SOX6: variants seen among roughly 807,000 people sequenced by gnomAD.
SOX6 encodes the protein transcription factor SOX-6.
SOX6 carries 11 observed loss-of-function variants against 97.8 expected under a neutral mutation model. The ratio of observed to expected loss-of-function variants is 0.11; its 90% confidence interval spans 0.07 to 0.19. SOX6 has a LOEUF of 0.19. Ranked by LOEUF, SOX6 falls within the 10% of genes least tolerant of loss-of-function variation. The pLI is 1.00. For missense variants in SOX6, 810 were observed against 1,039.5 expected, an observed-to-expected ratio of 0.78 and a Z score of 3.04; for synonymous variants, 360 against 371.4, an observed-to-expected ratio of 0.97 and a Z score of 0.35.
chr11:16,324,299 A>G (rs1480450733), intron 2 of SOX6, among the ~76,000 whole-genome samples: 3 of 152,182 alleles, frequency 2.0e-5, no homozygotes, highest in Non-Finnish European at 4.4e-5. Context: ...TTAAAACATA[A>G]GGAATTGATG....
intron 4 of SOX6, among the ~76,000 whole-genome samples, chr11:16,195,868 G>A (rs111669689): frequency 8.5e-5 from 13 of 152,290 alleles, no homozygotes; most frequent in African/African-American, 2.4e-4. Context: ...CTGCTGCCCC[G>A]GGTGCAGTGT....
At chr11:16,357,221 A>G (rs543651284), upstream of SOX6, among the ~76,000 whole-genome samples, 1 of 152,284 alleles carries the variant, frequency 6.6e-6, no homozygotes, top group East Asian at 1.9e-4. Flanking sequence ...CACACAGTGC[A>G]CTACTTTCTC....
intron 3 of SOX6, among the ~76,000 whole-genome samples, chr11:16,710,793 G>T (rs904413977): frequency 1.3e-5 from 2 of 152,094 alleles, no homozygotes; most frequent in African/African-American, 4.8e-5. Context: ...TGAGCTTCAG[G>T]TTTGACTATC....
intron 1 of SOX6, among the ~76,000 whole-genome samples, chr11:16,363,192 T>C (rs994405051): frequency 6.6e-6 from 1 of 152,140 alleles, no homozygotes. Flanking sequence ...GAAGGACAAT[T>C]TGAGCATTTA....
chr11:16,520,785 C>T (rs192805282), intron 4 of SOX6, among the ~76,000 whole-genome samples: 1 of 152,202 alleles, frequency 6.6e-6, no homozygotes, highest in Non-Finnish European at 1.5e-5. Flanking sequence ...TAATACTGTG[C>T]TTTTCCAATG....
In SOX6 at chr11:16,647,482, G is replaced by A. The variant is rs369742484; in HGVS notation, n.430-35222C>T. ...AATAAAAGGCAACTTCTGGAGAAGC[G>A]GGAAAGATGGCATATAGGAGACAGG... On this transcript the variant is annotated intron_variant and non_coding_transcript_variant, in intron 3 of 5. Transcript: ENST00000524520. 1.5e-4 allele frequency among the ~76,000 whole-genome samples: 23 copies of A among 152,250 alleles called. No homozygotes were observed. The South Asian group carries it at 3.9e-3, about 26-fold the overall frequency.
At chr11:16,047,189 T>A (rs999538174) in intron 11 of SOX6, among the ~76,000 whole-genome samples, 2 of 152,142 alleles carry the variant, frequency 1.3e-5, no homozygotes, top group African/African-American at 4.8e-5. Context: ...TGAGGCCACA[T>A]GTGTACTTTA....
At chr11:16,263,281 TCTC>T (rs1018960115) in intron 3 of SOX6, among the ~76,000 whole-genome samples, 4 of 151,860 alleles carry the variant, frequency 2.6e-5, no homozygotes, top group African/African-American at 4.8e-5. Flanking sequence ...ACCCTAGAGT[TCTC>T]CTAGATGTAA....
intron 4 of SOX6, among the ~76,000 whole-genome samples, chr11:16,608,527 A>G (rs762909966): frequency 6.6e-6 from 1 of 152,160 alleles, no homozygotes; most frequent in Admixed American, 6.5e-5. Context: ...GAGATGATGA[A>G]AACACACCAC....
At chr11:16,080,258 TAAA>T (rs11354992) in intron 9 of SOX6, among the ~76,000 whole-genome samples, 15 of 106,152 alleles carry the variant, frequency 1.4e-4, no homozygotes, top group Admixed American at 5.5e-4. Flanking sequence ...TTAAGAAAAC[TAAA>T]AAAAAAAAAA....
At chr11:16,706,188 C>T (rs2134044404) in intron 3 of SOX6, among the ~76,000 whole-genome samples, 1 of 151,290 alleles carries the variant, frequency 6.6e-6, no homozygotes, top group East Asian at 2.0e-4. Flanking sequence ...ACCTGTAATC[C>T]CAGCACTTTG....
At chr11:16,172,910 C>A (rs1432474617) in intron 6 of SOX6, among the ~76,000 whole-genome samples, 1 of 151,880 alleles carries the variant, frequency 6.6e-6, no homozygotes, top group Non-Finnish European at 1.5e-5. Flanking sequence ...TATTTCGTCT[C>A]CAAGTTGGGG....
At chr11:16,580,177 T>C (rs1354581871) in intron 4 of SOX6, among the ~76,000 whole-genome samples, 1 of 152,164 alleles carries the variant, frequency 6.6e-6, no homozygotes, top group African/African-American at 2.4e-5. Context: ...TGAATCCACA[T>C]TTTAATTAAG....
intron 1 of SOX6, among the ~76,000 whole-genome samples, chr11:16,442,309 G>A (rs1313513524): frequency 6.6e-6 from 1 of 152,074 alleles, no homozygotes; most frequent in Non-Finnish European, 1.5e-5. Flanking sequence ...GAGACTCTGA[G>A]GTGTTTCTCT....
chr11:16,360,241 T>C (rs1857175786), upstream of SOX6, among the ~76,000 whole-genome samples: 1 of 152,180 alleles, frequency 6.6e-6, no homozygotes, highest in Non-Finnish European at 1.5e-5. Context: ...GTTTGGGTGG[T>C]GATGCCTAGT....
intron 14 of SOX6, 135 bp downstream of exon 14, chr11:15,988,862 C>T (rs1232675424): frequency 3.7e-6 from 3 of 821,064 alleles, no homozygotes; most frequent in East Asian, 4.9e-5. Context: ...CCTGCGGCAG[C>T]TGGCTGACCT....
chr11:16,684,763 C>A (rs1177646238), intron 3 of SOX6, among the ~76,000 whole-genome samples: 1 of 151,676 alleles, frequency 6.6e-6, no homozygotes, highest in Non-Finnish European at 1.5e-5. Context: ...AAAGTAAAGG[C>A]CTTTCTCTTT....
intron 1 of SOX6, among the ~76,000 whole-genome samples, chr11:16,426,097 A>C (rs7126618): frequency 0.015 from 2,337 of 151,698 alleles, 57 homozygotes; most frequent in African/African-American, 0.054. Flanking sequence ...TCTACTAAAA[A>C]TACAAAAAAT....
chr11:16,134,007 T>G (rs1394818555), intron 6 of SOX6, among the ~76,000 whole-genome samples: 1 of 152,200 alleles, frequency 6.6e-6, no homozygotes, highest in Non-Finnish European at 1.5e-5. Context: ...TAAGCCACTA[T>G]GGTAATTACA....
Sources: allele counts gnomAD v4.1 joint callset (sites outside exome capture counted in the v4.1 genomes callset), GRCh38; gene constraint gnomAD v4.1.1; transcripts MANE v1.5; gene names NCBI Gene and HGNC (gene_info 2026-07-23, HGNC 2026-07-21).